Variants in ERBB4 observed in about 807,000 individuals in gnomAD.
ERBB4 encodes receptor tyrosine-protein kinase erbB-4.
Under a neutral mutation model 158.0 loss-of-function variants are expected in ERBB4, and 42 were observed. The observed-to-expected ratio is 0.27, with a 90% CI of 0.21 to 0.34. ERBB4 has a LOEUF of 0.34. Ranked by LOEUF, ERBB4 falls within the 10% of genes least tolerant of loss-of-function variation. ERBB4 has a pLI of 1.00. For synonymous variants in ERBB4, 583 were observed against 558.7 expected (o/e 1.04, Z -0.61); for missense variants, 1,333 against 1,624.1 (o/e 0.82, Z 3.08).
chr2:211,568,410 C>T (rs976145630), intron 19 of ERBB4, among the ~76,000 whole-genome samples: 1 of 152,046 alleles, frequency 6.6e-6, no homozygotes, highest in Admixed American at 6.6e-5. Flanking sequence ...AATAAGTGAG[C>T]AATACCATTT....
intron 1 of ERBB4, among the ~76,000 whole-genome samples, chr2:212,144,899 A>G (rs1016945697): frequency 6.6e-6 from 1 of 152,214 alleles, no homozygotes; most frequent in Non-Finnish European, 1.5e-5. Context: ...AATATATCTT[A>G]AAACCAGAAT....
At chr2:212,084,596 C>A (rs1408303595) in intron 2 of ERBB4, among the ~76,000 whole-genome samples, 1 of 151,914 alleles carries the variant, frequency 6.6e-6, no homozygotes, top group Non-Finnish European at 1.5e-5. Context: ...TTAAAAGTTA[C>A]AAGATATTAG....
At chr2:212,462,180 C>T (rs1688611563) in intron 1 of ERBB4, among the ~76,000 whole-genome samples, 1 of 152,118 alleles carries the variant, frequency 6.6e-6, no homozygotes, top group Non-Finnish European at 1.5e-5. Flanking sequence ...AGAAACAACA[C>T]TTCAAGACAT....
At chr2:211,474,463 A>C (rs1419747087) in intron 20 of ERBB4, among the ~76,000 whole-genome samples, 1 of 152,038 alleles carries the variant, frequency 6.6e-6, no homozygotes, top group Non-Finnish European at 1.5e-5. Flanking sequence ...GCTTTAAACC[A>C]TGGATTTAAT....
chr2:211,632,908 G>A (rs575092254), intron 16 of ERBB4, among the ~76,000 whole-genome samples: 1 of 151,960 alleles, frequency 6.6e-6, no homozygotes, highest in African/African-American at 2.4e-5. Flanking sequence ...CAACCTGAAG[G>A]AATAAAGAAC....
At chr2:212,251,698 A>T (rs11885830) in intron 1 of ERBB4, among the ~76,000 whole-genome samples, 35,580 of 151,256 alleles carry the variant, frequency 0.24, 4,493 homozygotes, top group African/African-American at 0.28. Context: ...GGTATTTTTT[A>T]AAAAAAAGGT....
At chr2:211,810,966 G>A (rs191177240) in intron 3 of ERBB4, among the ~76,000 whole-genome samples, 8 of 152,196 alleles carry the variant, frequency 5.3e-5, no homozygotes, top group African/African-American at 9.6e-5. Flanking sequence ...GAGCCACCGC[G>A]CCTGGCCCAG....
intron 5 of ERBB4, among the ~76,000 whole-genome samples, chr2:211,748,061 A>G (rs2075026730): frequency 6.6e-6 from 1 of 151,756 alleles, no homozygotes; most frequent in East Asian, 1.9e-4. Flanking sequence ...TTTTATATGT[A>G]TTATTTTTAA....
rs371066353 is a variant in ERBB4 at position 211,956,593 on chromosome 2, G to A, written c.235-8977C>T. On this transcript the variant is annotated intron_variant, in intron 2 of 27. Transcript: ENST00000342788. ...ACAACAGGAAAAATTCCTGCTAAAT[G>A]CTCAAAAGTTGAATCAACAAAAGAT... Among the ~76,000 whole-genome samples the A allele has an allele frequency of 5.9e-5, 9 of 152,038 alleles. No homozygotes were observed. The East Asian group carries it at 1.4e-3, about 23-fold the overall frequency.
intron 3 of ERBB4, among the ~76,000 whole-genome samples, chr2:211,903,673 T>G (rs896648975): frequency 2.0e-5 from 3 of 152,012 alleles, no homozygotes; most frequent in Non-Finnish European, 4.4e-5. Context: ...AATGCCAATA[T>G]TTAATCCCTT....
intron 1 of ERBB4, among the ~76,000 whole-genome samples, chr2:212,414,418 C>T (rs535123298): frequency 8.5e-5 from 13 of 152,212 alleles, no homozygotes; most frequent in African/African-American, 2.6e-4. Flanking sequence ...AGGTGTCTTG[C>T]GTACCAGAAG....
chr2:211,485,804 T>C (rs911975257), intron 20 of ERBB4, among the ~76,000 whole-genome samples: 5 of 151,802 alleles, frequency 3.3e-5, no homozygotes, highest in Admixed American at 6.6e-5. Flanking sequence ...CACATATACA[T>C]ATGTAACTAA....
At chr2:211,728,863 C>T (rs907966815) in intron 5 of ERBB4, among the ~76,000 whole-genome samples, 6 of 151,610 alleles carry the variant, frequency 4.0e-5, no homozygotes, top group African/African-American at 1.5e-4. Flanking sequence ...TTGGTTTTTC[C>T]TGCCAAATGA....
intron 1 of ERBB4, among the ~76,000 whole-genome samples, chr2:212,214,312 A>G (rs1351711246): frequency 6.6e-6 from 1 of 151,770 alleles, no homozygotes; most frequent in Non-Finnish European, 1.5e-5. Flanking sequence ...TGCAATTGAG[A>G]AACTGAATTT....
chr2:211,969,709 T>C (rs1575451672), intron 2 of ERBB4, among the ~76,000 whole-genome samples: 1 of 152,070 alleles, frequency 6.6e-6, no homozygotes, highest in Non-Finnish European at 1.5e-5. Context: ...TAAAAAACCA[T>C]AAAATAGGTA....
chr2:211,480,571 A>C (rs554963649), intron 20 of ERBB4, among the ~76,000 whole-genome samples: 2 of 152,218 alleles, frequency 1.3e-5, no homozygotes, highest in East Asian at 3.9e-4. Flanking sequence ...AAGCCATGGA[A>C]ATGTGAGTCA....
intron 20 of ERBB4, among the ~76,000 whole-genome samples, chr2:211,482,030 T>G (rs992091265): frequency 6.6e-6 from 1 of 152,088 alleles, no homozygotes; most frequent in Non-Finnish European, 1.5e-5. Flanking sequence ...GGAATCCAAG[T>G]AGAGACAGGC....
chr2:211,524,636 T>A (rs562948397), intron 20 of ERBB4, among the ~76,000 whole-genome samples: 4,934 of 62,218 alleles, frequency 0.079, 299 homozygotes, highest in African/African-American at 0.24. Context: ...ACGCCCCTCA[T>A]TGCCCGGGGC....
chr2:212,278,352 G>C (rs1226491566), intron 1 of ERBB4, among the ~76,000 whole-genome samples: 1 of 151,520 alleles, frequency 6.6e-6, no homozygotes, highest in Non-Finnish European at 1.5e-5. Flanking sequence ...ATTTCCTTTT[G>C]ACTTTATCAA....
Sources: allele counts gnomAD v4.1 joint callset (sites outside exome capture counted in the v4.1 genomes callset), GRCh38; gene constraint gnomAD v4.1.1; transcripts MANE v1.5; gene names NCBI Gene and HGNC (gene_info 2026-07-23, HGNC 2026-07-21).